The following LRFN5 variants were observed in gnomAD, a reference collection of about 807,000 sequenced individuals.
LRFN5 encodes leucine-rich repeat and fibronectin type-III domain-containing protein 5.
A neutral mutation model predicts 45.6 loss-of-function variants in LRFN5; 24 were observed. The observed-to-expected ratio is 0.53, with a 90% CI of 0.38 to 0.74. LRFN5 has a LOEUF of 0.74. Among genes scored for constraint, LRFN5 ranks in the 30% least tolerant of loss-of-function variants. The pLI is 0.00. For synonymous variants in LRFN5, 340 were observed against 313.8 expected, an observed-to-expected ratio of 1.08 and a Z score of -0.88; for missense variants, 776 against 861.5, an observed-to-expected ratio of 0.90 and a Z score of 1.24.
rs757813452 is a variant in LRFN5 at position 41,615,711 on chromosome 14, T to C, written c.-197+7149T>C. On this transcript the variant is annotated intron_variant, in intron 1 of 5. Transcript: ENST00000298119. ...CGGCACTCATTTTAGATGTTACCATTTGATCAATGTTTTCTTCTTGCTGAT... is the reference window on the plus strand; with the variant it reads ...CGGCACTCATTTTAGATGTTACCATCTGATCAATGTTTTCTTCTTGCTGAT... Among the ~76,000 whole-genome samples, 3 of 152,252 alleles carry C rather than the reference T, an allele frequency of 2.0e-5. No homozygotes were observed. The East Asian group carries it at 5.8e-4, about 29-fold the overall frequency.
At chr14:41,743,337 ACT>A (rs1491039030) in intron 1 of LRFN5, among the ~76,000 whole-genome samples, 1 of 146,932 alleles carries the variant, frequency 6.8e-6, no homozygotes, top group African/African-American at 2.5e-5. Context: ...TATGCTAGAG[ACT>A]TGAGCCAGTT....
intron 1 of LRFN5, among the ~76,000 whole-genome samples, chr14:41,716,078 T>G (rs1883482220): frequency 6.6e-6 from 1 of 152,166 alleles, no homozygotes; most frequent in South Asian, 2.1e-4. Context: ...CGGTCTAAGC[T>G]CTACCACAAC....
chr14:41,796,157 T>C (rs1324240284), intron 2 of LRFN5, among the ~76,000 whole-genome samples: 2 of 152,002 alleles, frequency 1.3e-5, no homozygotes, highest in African/African-American at 4.8e-5. Flanking sequence ...TTCAAAAATC[T>C]GAGTAATTCT....
intron 1 of LRFN5, among the ~76,000 whole-genome samples, chr14:41,715,384 A>C (rs1365447075): frequency 6.6e-6 from 1 of 152,202 alleles, no homozygotes; most frequent in Non-Finnish European, 1.5e-5. Context: ...TTAGGTTAAC[A>C]ATGTAGAACA....
At chr14:41,608,601 T>TGTTTCTAGTTTC (rs1887600719) in intron 1 of LRFN5, 39 bp downstream of exon 1, 1 of 152,650 alleles carries the variant, frequency 6.6e-6, no homozygotes, top group Admixed American at 6.5e-5. Flanking sequence ...CCAATTTCCT[T>TGTTTCTAGTTTC]TTGATCTTGT....
At chr14:41,710,019 C>A (rs546859410) in intron 1 of LRFN5, among the ~76,000 whole-genome samples, 4 of 151,958 alleles carry the variant, frequency 2.6e-5, no homozygotes, top group African/African-American at 7.2e-5. Flanking sequence ...GACTAACTGG[C>A]GTGTTTCACA....
intron 1 of LRFN5, among the ~76,000 whole-genome samples, chr14:41,691,311 G>T (rs1036574355): frequency 6.6e-6 from 1 of 151,726 alleles, no homozygotes; most frequent in Non-Finnish European, 1.5e-5. Context: ...TTTTCATCAG[G>T]ATTCATGTCA....
At chr14:41,789,178 G>A (rs1886832227) in intron 2 of LRFN5, among the ~76,000 whole-genome samples, 1 of 151,898 alleles carries the variant, frequency 6.6e-6, no homozygotes, top group Non-Finnish European at 1.5e-5. Flanking sequence ...CTGATAAGTG[G>A]TAAGTCAAAT....
At chr14:41,694,937 G>A (rs1882540372) in intron 1 of LRFN5, among the ~76,000 whole-genome samples, 1 of 151,910 alleles carries the variant, frequency 6.6e-6, no homozygotes, top group Non-Finnish European at 1.5e-5. Context: ...ACATGATTAA[G>A]CTTAGTAAAA....
intron 1 of LRFN5, among the ~76,000 whole-genome samples, chr14:41,727,487 A>G (rs148776807): frequency 2.0e-3 from 300 of 152,162 alleles, no homozygotes; most frequent in Non-Finnish European, 3.6e-3. Flanking sequence ...TTAGCCAGTC[A>G]TGGTGGCACA....
intron 2 of LRFN5, among the ~76,000 whole-genome samples, chr14:41,869,439 T>TA (rs1889944787): frequency 6.6e-6 from 1 of 151,384 alleles, no homozygotes; most frequent in African/African-American, 2.4e-5. Context: ...TTTTTTTTTT[T>TA]TAAAAAAAGG....
chr14:41,854,558 T>C lies in LRFN5; in HGVS notation c.-20-32048T>C, dbSNP rs976209667. Among the ~76,000 whole-genome samples, 3 of 151,788 alleles carry C rather than the reference T, an allele frequency of 2.0e-5. No individual in the cohort carries two copies. In the East Asian group the frequency reaches 5.8e-4, roughly 29 times the overall value. On this transcript the variant is annotated intron_variant, in intron 2 of 5. Transcript: ENST00000298119. ...TAGAGAGAATGAGAAATTGCTGAAGTAGGAAAGAAACAGAATTAACACTGA... is the reference window on the plus strand; with the variant it reads ...TAGAGAGAATGAGAAATTGCTGAAGCAGGAAAGAAACAGAATTAACACTGA...
intron 1 of LRFN5, among the ~76,000 whole-genome samples, chr14:41,752,452 C>A (rs1171759912): frequency 6.6e-6 from 1 of 152,120 alleles, no homozygotes; most frequent in Non-Finnish European, 1.5e-5. Context: ...TTAATGATTG[C>A]CATTCTAACT....
intron 1 of LRFN5, among the ~76,000 whole-genome samples, chr14:41,743,871 G>GA (rs1476074428): frequency 1.3e-5 from 2 of 151,940 alleles, no homozygotes; most frequent in East Asian, 3.9e-4. Flanking sequence ...TGTACTTTAG[G>GA]AAAAAATGTA....
At chr14:41,834,438 A>G (rs75551245) in intron 2 of LRFN5, among the ~76,000 whole-genome samples, 2,774 of 152,246 alleles carry the variant, frequency 0.018, 34 homozygotes, top group African/African-American at 0.039. Flanking sequence ...TTTTGAACCC[A>G]ACTACACTTA....
At chr14:41,650,908 G>A (rs1424679017) in intron 1 of LRFN5, among the ~76,000 whole-genome samples, 1 of 132,504 alleles carries the variant, frequency 7.5e-6, no homozygotes. Flanking sequence ...AGGGAGGGAG[G>A]GAGGGAGGGA....
At chr14:41,689,117 A>AAAT (rs989796145) in intron 1 of LRFN5, among the ~76,000 whole-genome samples, 2 of 151,746 alleles carry the variant, frequency 1.3e-5, no homozygotes, top group African/African-American at 4.8e-5. Flanking sequence ...AATAAATAAT[A>AAAT]AATGATGATG....
chr14:41,824,939 T>C (rs1888242703), intron 2 of LRFN5, among the ~76,000 whole-genome samples: 1 of 152,192 alleles, frequency 6.6e-6, no homozygotes, highest in Admixed American at 6.5e-5. Context: ...ATCATATCCC[T>C]GTCCTGGGAT....
chr14:41,833,846 C>G (rs1194315317), intron 2 of LRFN5, among the ~76,000 whole-genome samples: 1 of 152,152 alleles, frequency 6.6e-6, no homozygotes, highest in East Asian at 1.9e-4. Context: ...AAATTAGTCT[C>G]TTTCTTTTGA....
Sources: allele counts gnomAD v4.1 joint callset (sites outside exome capture counted in the v4.1 genomes callset), GRCh38; gene constraint gnomAD v4.1.1; transcripts MANE v1.5; gene names NCBI Gene and HGNC (gene_info 2026-07-23, HGNC 2026-07-21).